Variants in ASPRV1 observed in about 807,000 individuals in gnomAD.
ASPRV1 encodes aspartic peptidase retroviral like 1, also known as retroviral-like aspartic protease 1.
Under a neutral mutation model 11.0 loss-of-function variants are expected in ASPRV1, and 7 were observed. That is an observed-to-expected ratio of 0.64 (90% CI 0.36 to 1.20). The LOEUF (loss-of-function observed/expected upper bound fraction) is 1.20. Among genes scored for constraint, ASPRV1 ranks in the 50% most tolerant of loss-of-function variants. The pLI, the probability that ASPRV1 is intolerant of heterozygous loss-of-function variation, is 0.02. For missense variants in ASPRV1, 299 were observed against 320.0 expected, an observed-to-expected ratio of 0.93 and a Z score of 0.50; for synonymous variants, 136 against 138.4, an observed-to-expected ratio of 0.98 and a Z score of 0.12.
At chr2:69,938,717 T>A in the ASPRV1 span, 1 of 156,110 alleles carries the variant, frequency 6.4e-6, no homozygotes, top group Non-Finnish European at 1.4e-5. Flanking sequence ...GAAATTGAGA[T>A]CCTGATCTCA....
At chr2:69,946,683 T>C in the ASPRV1 span, among the ~76,000 whole-genome samples, 2 of 151,716 alleles carry the variant, frequency 1.3e-5, no homozygotes, top group East Asian at 3.9e-4. Context: ...CATTAGAGGG[T>C]GGGGAAGTGT....
the ASPRV1 span, among the ~76,000 whole-genome samples, chr2:70,061,963 C>CA: frequency 3.3e-3 from 349 of 107,088 alleles, no homozygotes; most frequent in Middle Eastern, 0.011. Flanking sequence ...AACTCTGTCT[C>CA]AAAAAAAAAA....
At chr2:70,032,785 G>A in the ASPRV1 span, among the ~76,000 whole-genome samples, 4 of 152,170 alleles carry the variant, frequency 2.6e-5, no homozygotes, top group Admixed American at 1.3e-4. Flanking sequence ...GGCTGAGGAG[G>A]CTGCAGCTCT....
the ASPRV1 span, chr2:70,014,627 C>T: frequency 6.6e-6 from 1 of 151,596 alleles, no homozygotes. Flanking sequence ...ATGGTGAAAT[C>T]TCATCTCTAC....
At chr2:70,013,440 T>C in the ASPRV1 span, among the ~76,000 whole-genome samples, 1 of 152,184 alleles carries the variant, frequency 6.6e-6, no homozygotes, top group Non-Finnish European at 1.5e-5. Flanking sequence ...TCTACTTCAA[T>C]CAAAACAACA....
At chr2:70,019,489 T>C in the ASPRV1 span, among the ~76,000 whole-genome samples, 1 of 151,960 alleles carries the variant, frequency 6.6e-6, no homozygotes, top group African/African-American at 2.4e-5. Flanking sequence ...TTATTCACAA[T>C]AGCCAAGATA....
chr2:70,023,104 C>T, the ASPRV1 span, among the ~76,000 whole-genome samples: 1 of 152,184 alleles, frequency 6.6e-6, no homozygotes, highest in African/African-American at 2.4e-5. Flanking sequence ...TCCACTCTTT[C>T]TTTTCAAAAT....
chr2:70,054,991 G>A, the ASPRV1 span, among the ~76,000 whole-genome samples: 951 of 152,176 alleles, frequency 6.2e-3, 9 homozygotes, highest in African/African-American at 0.022. Context: ...CATTTATAAG[G>A]TGAAGCAAAG....
chr2:70,075,539 T>C, the ASPRV1 span, among the ~76,000 whole-genome samples: 18 of 152,216 alleles, frequency 1.2e-4, no homozygotes, highest in South Asian at 3.7e-3. Context: ...GTAGAGTACA[T>C]AGCATGTAGA....
At chr2:69,981,448 T>C in the ASPRV1 span, among the ~76,000 whole-genome samples, 2 of 152,238 alleles carry the variant, frequency 1.3e-5, no homozygotes, top group African/African-American at 4.8e-5. Flanking sequence ...TAAGAGTAGT[T>C]ACAAATGGAT....
At chr2:69,941,438 T>A in the ASPRV1 span, 1 of 152,228 alleles carries the variant, frequency 6.6e-6, no homozygotes, top group Non-Finnish European at 1.5e-5. Context: ...GCTAGTTTAG[T>A]GATTCAAAAT....
the ASPRV1 span, chr2:70,054,262 A>C: frequency 6.6e-6 from 1 of 152,046 alleles, no homozygotes; most frequent in Non-Finnish European, 1.5e-5. Flanking sequence ...ACTGCACTCC[A>C]GCCTGGGTGA....
At chr2:69,933,218 A>AC in the ASPRV1 span, among the ~76,000 whole-genome samples, 35 of 151,330 alleles carry the variant, frequency 2.3e-4, no homozygotes, top group Admixed American at 1.6e-3. Flanking sequence ...AAAAAAAAAA[A>AC]AAAAAACAAA....
chr2:70,084,103 C>G, the ASPRV1 span, among the ~76,000 whole-genome samples: 1 of 152,044 alleles, frequency 6.6e-6, no homozygotes, highest in Admixed American at 6.6e-5. Context: ...GCTGGGGAAG[C>G]TGGGAAAGGG....
the ASPRV1 span, among the ~76,000 whole-genome samples, chr2:69,975,141 A>G: frequency 1.8e-4 from 27 of 152,352 alleles, no homozygotes; most frequent in East Asian, 4.8e-3. Flanking sequence ...AAAGCTGCAA[A>G]GCCCCCAGCC....
At chr2:69,942,780 G>T in the ASPRV1 span, 1 of 152,122 alleles carries the variant, frequency 6.6e-6, no homozygotes. Context: ...TAAATATGAC[G>T]CCAATGTAAA....
chr2:69,938,649 C>G, the ASPRV1 span: 1 of 181,578 alleles, frequency 5.5e-6, no homozygotes, highest in South Asian at 1.0e-4. Context: ...GTGTTACTTG[C>G]CTAGGAGGAA....
At chr2:70,022,163 C>T in the ASPRV1 span, among the ~76,000 whole-genome samples, 6 of 151,366 alleles carry the variant, frequency 4.0e-5, no homozygotes, top group African/African-American at 7.3e-5. Context: ...TACAGGTGCC[C>T]ACCACCATGC....
chr2:70,061,585 T>C, the ASPRV1 span, among the ~76,000 whole-genome samples: 3 of 152,096 alleles, frequency 2.0e-5, no homozygotes, highest in African/African-American at 7.2e-5. Context: ...GGGATGAGAC[T>C]TGAGAAACAT....
Sources: gnomAD v4.1 joint callset for allele counts (sites outside exome capture counted in the v4.1 genomes callset) on GRCh38, gnomAD v4.1.1 for gene constraint, MANE v1.5 for transcripts, NCBI Gene and HGNC (gene_info 2026-07-23, HGNC 2026-07-21) for gene names.